The following EBF1 variants were observed in gnomAD, a reference collection of about 807,000 sequenced individuals.
EBF1 encodes transcription factor COE1.
EBF1 carries 10 observed loss-of-function variants against 68.4 expected under a neutral mutation model. The ratio of observed to expected loss-of-function variants is 0.15; its 90% CI spans 0.09 to 0.25. The LOEUF (loss-of-function observed/expected upper bound fraction) is 0.25, where lower values mean the gene tolerates loss of function less well. Among genes scored for constraint, EBF1 ranks in the 10% least tolerant of loss-of-function variants. The pLI, the probability that EBF1 is intolerant of heterozygous loss-of-function variation, is 1.00. For synonymous variants in EBF1, 298 were observed against 299.8 expected (o/e 0.99, Z 0.06); for missense variants, 509 against 794.4 (o/e 0.64, Z 4.32).
At chr5:158,853,579 A>G (rs750694564) in intron 6 of EBF1, among the ~76,000 whole-genome samples, 1 of 152,210 alleles carries the variant, frequency 6.6e-6, no homozygotes, top group Non-Finnish European at 1.5e-5. Context: ...GAAGGTAAGA[A>G]GAGCTTACAT....
intron 11 of EBF1, among the ~76,000 whole-genome samples, chr5:158,722,697 C>T (rs955946924): frequency 8.5e-5 from 13 of 152,174 alleles, no homozygotes; most frequent in African/African-American, 3.1e-4. Flanking sequence ...AATGATAATT[C>T]TCAAGCCTTT....
chr5:158,967,535 C>T (rs779804314), intron 6 of EBF1, among the ~76,000 whole-genome samples: 6 of 152,098 alleles, frequency 3.9e-5, no homozygotes, highest in African/African-American at 1.2e-4. Flanking sequence ...CATCCATATA[C>T]GTATCGAGTA....
intron 15 of EBF1, among the ~76,000 whole-genome samples, chr5:158,706,835 G>GC (rs1400159777): frequency 1.3e-5 from 2 of 152,182 alleles, no homozygotes; most frequent in Non-Finnish European, 2.9e-5. Flanking sequence ...TTTGCACAAT[G>GC]AAGACCATAA....
At chr5:158,754,979 A>G (rs748313181) in intron 10 of EBF1, among the ~76,000 whole-genome samples, 1 of 152,100 alleles carries the variant, frequency 6.6e-6, no homozygotes, top group Non-Finnish European at 1.5e-5. Context: ...CAAATCTCTC[A>G]TGAGAGGTCG....
chr5:158,863,673 C>A (rs1278930802), intron 6 of EBF1, among the ~76,000 whole-genome samples: 1 of 151,986 alleles, frequency 6.6e-6, no homozygotes, highest in African/African-American at 2.4e-5. Flanking sequence ...TTTGCAAAAC[C>A]AAATTGTATT....
intron 6 of EBF1, among the ~76,000 whole-genome samples, chr5:159,047,525 G>C (rs540356056): frequency 2.0e-5 from 3 of 152,234 alleles, no homozygotes; most frequent in Admixed American, 6.5e-5. Context: ...GACAGAGATG[G>C]GGGAGGGGCA....
intron 6 of EBF1, among the ~76,000 whole-genome samples, chr5:159,016,569 C>T (rs560956491): frequency 1.3e-4 from 20 of 152,270 alleles, no homozygotes; most frequent in African/African-American, 2.2e-4. Context: ...AGCAAAATGA[C>T]GGCAAACAAA....
intron 6 of EBF1, among the ~76,000 whole-genome samples, chr5:159,073,158 A>T (rs1384608041): frequency 6.6e-6 from 1 of 152,236 alleles, no homozygotes; most frequent in South Asian, 2.1e-4. Flanking sequence ...GAAAGAAAAA[A>T]TATATTCCTT....
intron 6 of EBF1, among the ~76,000 whole-genome samples, chr5:158,909,009 G>A (rs964801557): frequency 9.9e-5 from 15 of 152,104 alleles, no homozygotes; most frequent in Non-Finnish European, 1.9e-4. Context: ...GAGATTTATG[G>A]TTGGGTGTCT....
chr5:158,861,247 G>A (rs3756666), intron 6 of EBF1, among the ~76,000 whole-genome samples: 8,021 of 152,232 alleles, frequency 0.053, 282 homozygotes, highest in Non-Finnish European at 0.071. Flanking sequence ...TATTAATGGC[G>A]TCTATCAAAT....
chr5:158,834,388 C>T (rs1257570366), intron 7 of EBF1, among the ~76,000 whole-genome samples: 1 of 152,062 alleles, frequency 6.6e-6, no homozygotes, highest in Non-Finnish European at 1.5e-5. Flanking sequence ...CTTCTCTTTC[C>T]TCCAGCCTTC....
chr5:159,036,201 T>C (rs1770017094), intron 6 of EBF1, among the ~76,000 whole-genome samples: 1 of 152,196 alleles, frequency 6.6e-6, no homozygotes, highest in South Asian at 2.1e-4. Context: ...TTGGCACTTT[T>C]AGATACCTTG....
chr5:158,899,948 TG>T (rs1802945819), intron 6 of EBF1, among the ~76,000 whole-genome samples: 1 of 152,176 alleles, frequency 6.6e-6, no homozygotes, highest in African/African-American at 2.4e-5. Context: ...TCCCACTCTG[TG>T]GCCCTCTTTT....
chr5:158,967,495 C>A (rs1754412484), intron 6 of EBF1, among the ~76,000 whole-genome samples: 1 of 152,144 alleles, frequency 6.6e-6, no homozygotes, highest in Non-Finnish European at 1.5e-5. Context: ...CTTTCCCTAT[C>A]AAAACTGGCT....
intron 6 of EBF1, among the ~76,000 whole-genome samples, chr5:159,008,594 G>A (rs1203199844): frequency 6.7e-6 from 1 of 149,674 alleles, no homozygotes; most frequent in Non-Finnish European, 1.5e-5. Context: ...GGCACAATCT[G>A]GACTCACTGC....
chr5:158,981,928 A>T (rs1489395950), intron 6 of EBF1, among the ~76,000 whole-genome samples: 1 of 152,202 alleles, frequency 6.6e-6, no homozygotes, highest in Admixed American at 6.5e-5. Context: ...ACTTCAAATC[A>T]TTAACATACA....
chr5:158,700,457 G>A (rs1384564510), intron 15 of EBF1, among the ~76,000 whole-genome samples: 1 of 151,498 alleles, frequency 6.6e-6, no homozygotes, highest in Non-Finnish European at 1.5e-5. Flanking sequence ...TGTCAGTGAT[G>A]ACTGTGTCTA....
At chr5:158,964,099 A>C (rs6420101) in intron 6 of EBF1, among the ~76,000 whole-genome samples, 141,543 of 152,124 alleles carry the variant, frequency 0.93, 66,485 homozygotes, top group Non-Finnish European at 0.99. Context: ...CAGACACAGC[A>C]AGATGAAAGC....
chr5:159,080,786 G>A (rs914345355), intron 5 of EBF1, among the ~76,000 whole-genome samples: 4 of 152,080 alleles, frequency 2.6e-5, no homozygotes, highest in African/African-American at 9.7e-5. Flanking sequence ...TCAGAAATAC[G>A]AAAACTGAAG....
Sources: gnomAD v4.1 joint callset for allele counts (sites outside exome capture counted in the v4.1 genomes callset) on GRCh38, gnomAD v4.1.1 for gene constraint, MANE v1.5 for transcripts, NCBI Gene and HGNC (gene_info 2026-07-23, HGNC 2026-07-21) for gene names.